GPR39: variants seen among roughly 807,000 people sequenced by gnomAD.
The protein encoded by GPR39 is G protein-coupled receptor 39, also known as zinc sensing receptor.
A neutral mutation model predicts 18.4 loss-of-function variants in GPR39; 23 were observed. The observed-to-expected ratio is 1.25, with a 90% confidence interval of 0.90 to 1.77. The LOEUF (loss-of-function observed/expected upper bound fraction) is 1.77. GPR39 is among the 40% of genes most tolerant of loss of function. The probability of loss-of-function intolerance (pLI) is 0.00; values close to 1 mark genes in which losing one functional copy is unlikely to be tolerated. For synonymous variants in GPR39, 280 were observed against 257.9 expected, an observed-to-expected ratio of 1.09 and a Z score of -0.82; for missense variants, 647 against 602.4, an observed-to-expected ratio of 1.07 and a Z score of -0.78.
At chr2:132,589,142 G>A (rs948301144) in intron 1 of GPR39, among the ~76,000 whole-genome samples, 2 of 152,204 alleles carry the variant, frequency 1.3e-5, no homozygotes, top group Non-Finnish European at 2.9e-5. Flanking sequence ...AGATTGTTAT[G>A]TAGGTCCAGG....
At chr2:132,502,313 CTG>C (rs1679056866) in intron 1 of GPR39, among the ~76,000 whole-genome samples, 3 of 152,136 alleles carry the variant, frequency 2.0e-5, no homozygotes, top group Non-Finnish European at 4.4e-5. Context: ...TTGGAAAAGA[CTG>C]GATCTTTCCT....
chr2:132,629,366 G>A (rs1027241859), intron 1 of GPR39, among the ~76,000 whole-genome samples: 1 of 152,198 alleles, frequency 6.6e-6, no homozygotes, highest in Non-Finnish European at 1.5e-5. Context: ...ACTCTGAGTA[G>A]CAAGAGTGAA....
intron 1 of GPR39, among the ~76,000 whole-genome samples, chr2:132,598,467 T>TTTTG (rs1553459250): frequency 7.3e-6 from 1 of 137,160 alleles, no homozygotes; most frequent in East Asian, 2.3e-4. Flanking sequence ...AATGGGGTTT[T>TTTTG]TTGTTGTTGT....
chr2:132,561,976 C>T (rs1680261968), intron 1 of GPR39, among the ~76,000 whole-genome samples: 1 of 152,178 alleles, frequency 6.6e-6, no homozygotes, highest in Admixed American at 6.5e-5. Context: ...AAATGTTAAT[C>T]TCAACAAGAA....
intron 1 of GPR39, among the ~76,000 whole-genome samples, chr2:132,521,202 C>G (rs892410966): frequency 7.9e-5 from 12 of 152,198 alleles, no homozygotes; most frequent in African/African-American, 2.4e-4. Flanking sequence ...CCAGTGGCCT[C>G]TGCTTGTGCC....
chr2:132,637,431 C>T (rs553886112), intron 1 of GPR39, among the ~76,000 whole-genome samples: 11 of 152,348 alleles, frequency 7.2e-5, no homozygotes, highest in African/African-American at 1.7e-4. Context: ...TCCTGGGCTC[C>T]ATCAAACAGC....
chr2:132,609,009 G>A (rs1477661692), intron 1 of GPR39, among the ~76,000 whole-genome samples: 1 of 152,200 alleles, frequency 6.6e-6, no homozygotes, highest in Non-Finnish European at 1.5e-5. Context: ...AATAAATGGG[G>A]AGGGGGTGCT....
chr2:132,511,931 C>T (rs1679248359), intron 1 of GPR39, among the ~76,000 whole-genome samples: 1 of 152,094 alleles, frequency 6.6e-6, no homozygotes, highest in Admixed American at 6.6e-5. Flanking sequence ...TCGAAAAGTG[C>T]ACGAACTCAT....
chr2:132,501,158 C>T (rs762427675), intron 1 of GPR39, among the ~76,000 whole-genome samples: 1 of 149,202 alleles, frequency 6.7e-6, no homozygotes, highest in Non-Finnish European at 1.5e-5. Flanking sequence ...CTTGTTTCTC[C>T]AGTTCTGTGA....
At chr2:132,421,528 C>A (rs1425758827) in intron 1 of GPR39, among the ~76,000 whole-genome samples, 2 of 152,108 alleles carry the variant, frequency 1.3e-5, no homozygotes, top group African/African-American at 4.8e-5. Flanking sequence ...CACTCTTTTG[C>A]ATTCTGATTT....
intron 1 of GPR39, among the ~76,000 whole-genome samples, chr2:132,580,445 A>G (rs889957775): frequency 6.6e-5 from 10 of 152,226 alleles, no homozygotes; most frequent in African/African-American, 2.2e-4. Flanking sequence ...TTATCAACAC[A>G]TGTTTCTGTT....
chr2:132,493,505 CATATATATATATAT>C (rs5834316), intron 1 of GPR39, among the ~76,000 whole-genome samples: 29 of 130,578 alleles, frequency 2.2e-4, no homozygotes, highest in Non-Finnish European at 3.2e-4. Context: ...ATATATACAC[CATATATATATATAT>C]ATATATATAC....
chr2:132,482,070 A>G (rs535143595), intron 1 of GPR39, among the ~76,000 whole-genome samples: 1 of 152,292 alleles, frequency 6.6e-6, no homozygotes, highest in East Asian at 1.9e-4. Context: ...CGTCCCCTAA[A>G]TAATGGCTCT....
At chr2:132,493,326 T>G (rs1310237136) in intron 1 of GPR39, among the ~76,000 whole-genome samples, 1 of 145,110 alleles carries the variant, frequency 6.9e-6, no homozygotes, top group Non-Finnish European at 1.5e-5. Context: ...TATATACACA[T>G]ACCATATATA....
At chr2:132,639,134 G>T (rs1444969224) in intron 1 of GPR39, among the ~76,000 whole-genome samples, 1 of 152,136 alleles carries the variant, frequency 6.6e-6, no homozygotes, top group East Asian at 1.9e-4. Context: ...AACCAGGCTG[G>T]GGCCACCTTG....
chr2:132,519,102 A>G (rs1443792205), intron 1 of GPR39, among the ~76,000 whole-genome samples: 1 of 152,164 alleles, frequency 6.6e-6, no homozygotes, highest in African/African-American at 2.4e-5. Context: ...AAGATACTAC[A>G]TTTTCATCTT....
At chr2:132,602,017 T>C (rs1681050648) in intron 1 of GPR39, among the ~76,000 whole-genome samples, 1 of 144,728 alleles carries the variant, frequency 6.9e-6, no homozygotes. Flanking sequence ...ACCAATGACA[T>C]TCTTCACAGA....
At chr2:132,460,598 A>G (rs1680813220) in intron 1 of GPR39, among the ~76,000 whole-genome samples, 1 of 152,120 alleles carries the variant, frequency 6.6e-6, no homozygotes, top group Non-Finnish European at 1.5e-5. Context: ...AGTGGAACAA[A>G]TGGTTGCTTT....
chr2:132,552,378 C>A (rs536413899), intron 1 of GPR39, among the ~76,000 whole-genome samples: 2 of 152,194 alleles, frequency 1.3e-5, no homozygotes, highest in East Asian at 3.9e-4. Context: ...CCCCAACTCT[C>A]TTGCTCTCAC....
Sources: allele counts gnomAD v4.1 joint callset (sites outside exome capture counted in the v4.1 genomes callset), GRCh38; gene constraint gnomAD v4.1.1; transcripts MANE v1.5; gene names NCBI Gene and HGNC (gene_info 2026-07-23, HGNC 2026-07-21).